FHOD3: variants seen among roughly 807,000 people sequenced by gnomAD.
FHOD3 encodes formin homology 2 domain containing 3.
FHOD3 carries 90 observed loss-of-function variants against 173.0 expected under a neutral mutation model. The ratio of observed to expected loss-of-function variants is 0.52; its 90% CI spans 0.44 to 0.62. FHOD3 has a LOEUF of 0.62. Ranked by LOEUF, FHOD3 falls within the 20% of genes least tolerant of loss-of-function variation. The probability of loss-of-function intolerance (pLI) is 0.00; values close to 1 mark genes in which losing one functional copy is unlikely to be tolerated. For missense variants in FHOD3, 1,945 were observed against 2,034.7 expected, an observed-to-expected ratio of 0.96 and a Z score of 0.85; for synonymous variants, 828 against 823.0, an observed-to-expected ratio of 1.01 and a Z score of -0.10.
intron 3 of FHOD3, among the ~76,000 whole-genome samples, chr18:36,453,156 T>G (rs985834280): frequency 1.3e-5 from 2 of 152,164 alleles, no homozygotes; most frequent in Non-Finnish European, 2.9e-5. Flanking sequence ...TAATTCTAGC[T>G]TGGTGTTGCT....
At chr18:36,719,356 T>C (rs956261733) in intron 19 of FHOD3, among the ~76,000 whole-genome samples, 1 of 152,246 alleles carries the variant, frequency 6.6e-6, no homozygotes, top group Non-Finnish European at 1.5e-5. Flanking sequence ...ATACCACTTT[T>C]ATCAATGGAA....
At chr18:36,645,815 T>C (rs1382406200) in intron 10 of FHOD3, among the ~76,000 whole-genome samples, 1 of 152,146 alleles carries the variant, frequency 6.6e-6, no homozygotes, top group Non-Finnish European at 1.5e-5. Context: ...AAAAGCAGTC[T>C]TCATAGCTCT....
chr18:36,431,258 T>C (rs2050534160), intron 3 of FHOD3, among the ~76,000 whole-genome samples: 1 of 152,248 alleles, frequency 6.6e-6, no homozygotes, highest in Non-Finnish European at 1.5e-5. Flanking sequence ...AAAAGCTTTA[T>C]ATTCTGTTAA....
intron 2 of FHOD3, among the ~76,000 whole-genome samples, chr18:36,365,606 G>T (rs1003508521): frequency 6.6e-6 from 1 of 152,162 alleles, no homozygotes; most frequent in Admixed American, 6.6e-5. Flanking sequence ...TGTAATGACT[G>T]TATAACTCTA....
chr18:36,572,261 ATTC>A (rs543063736), intron 5 of FHOD3, among the ~76,000 whole-genome samples: 42 of 152,108 alleles, frequency 2.8e-4, no homozygotes, highest in Non-Finnish European at 5.1e-4. Context: ...CAGCCTCCAC[ATTC>A]TTCTTGAAAA....
chr18:36,687,595 G>T (rs1029388642), intron 16 of FHOD3, among the ~76,000 whole-genome samples: 3 of 152,062 alleles, frequency 2.0e-5, no homozygotes, highest in African/African-American at 7.2e-5. Flanking sequence ...GACTCTTTCT[G>T]GATGTGCCTG....
chr18:36,328,502 G>A (rs977854857), intron 1 of FHOD3, among the ~76,000 whole-genome samples: 15 of 152,140 alleles, frequency 9.9e-5, no homozygotes, highest in Non-Finnish European at 1.6e-4. Context: ...GGGGAAGTCC[G>A]TAGGGTCTTT....
At chr18:36,427,056 TAA>T (rs1218118169) in intron 3 of FHOD3, among the ~76,000 whole-genome samples, 3 of 152,122 alleles carry the variant, frequency 2.0e-5, no homozygotes, top group African/African-American at 7.2e-5. Flanking sequence ...AAGAAAAATA[TAA>T]GAGAAGATTT....
At chr18:36,393,095 G>A (rs2048379392) in intron 3 of FHOD3, among the ~76,000 whole-genome samples, 1 of 152,246 alleles carries the variant, frequency 6.6e-6, no homozygotes, top group East Asian at 1.9e-4. Flanking sequence ...GCTGCAGCCA[G>A]CTCCAGTTAG....
At chr18:36,660,936 G>A (rs189271906) in intron 14 of FHOD3, among the ~76,000 whole-genome samples, 10 of 152,320 alleles carry the variant, frequency 6.6e-5, no homozygotes, top group East Asian at 1.9e-4. Context: ...ATCCACGAGC[G>A]AGTACGGTAG....
chr18:36,303,548 A>C (rs1056549201), intron 1 of FHOD3, among the ~76,000 whole-genome samples: 1 of 152,136 alleles, frequency 6.6e-6, no homozygotes, highest in African/African-American at 2.4e-5. Flanking sequence ...TGGACTCTGA[A>C]ATGTTAGTTC....
chr18:36,693,573 G>T (rs1207105588), intron 17 of FHOD3, 150 bp downstream of exon 17: 1 of 718,448 alleles, frequency 1.4e-6, no homozygotes, highest in Non-Finnish European at 2.3e-6. Flanking sequence ...GACTGCAACT[G>T]CCTGGTCACT....
chr18:36,635,914 A>G (rs980105711), intron 10 of FHOD3, among the ~76,000 whole-genome samples: 27 of 152,328 alleles, frequency 1.8e-4, no homozygotes, highest in African/African-American at 6.5e-4. Context: ...TTTCAAGTCA[A>G]TGAACCTTGA....
chr18:36,420,035 T>C (rs1043871212), intron 3 of FHOD3, among the ~76,000 whole-genome samples: 1 of 152,186 alleles, frequency 6.6e-6, no homozygotes, highest in Non-Finnish European at 1.5e-5. Context: ...AAGTTACACT[T>C]GATTAACTTT....
intron 28 of FHOD3, among the ~76,000 whole-genome samples, chr18:36,769,937 C>T (rs947478878): frequency 3.3e-5 from 5 of 152,250 alleles, no homozygotes; most frequent in African/African-American, 1.2e-4. Flanking sequence ...AAATATTTAA[C>T]GTGGCCTAGG....
intron 3 of FHOD3, among the ~76,000 whole-genome samples, chr18:36,396,394 G>A (rs2048556718): frequency 6.6e-6 from 1 of 152,154 alleles, no homozygotes; most frequent in Admixed American, 6.5e-5. Context: ...CCTACCTGCA[G>A]TGATTCTGTT....
intron 23 of FHOD3, among the ~76,000 whole-genome samples, chr18:36,745,668 A>G (rs1600526694): frequency 1.3e-5 from 2 of 151,326 alleles, no homozygotes; most frequent in South Asian, 4.2e-4. Flanking sequence ...GCAACGGCTT[A>G]CCTCCGCGCC....
intron 2 of FHOD3, among the ~76,000 whole-genome samples, chr18:36,369,506 T>G (rs71366393): frequency 0.018 from 2,282 of 128,262 alleles, 38 homozygotes; most frequent in Non-Finnish European, 0.025. Context: ...CACATATATA[T>G]AGAGAGAGAG....
rs929611766 is a variant in FHOD3, at chr18:36,779,284, A to G, written c.4787-164A>G. 31 of 617,706 alleles carry G rather than the reference A, an allele frequency of 5.0e-5. No individual in the cohort carries two copies. The African/African-American group carries it at 5.2e-4, about 10-fold the overall frequency. 38.3% of individuals were successfully genotyped at this position (617,706 alleles called of 1,614,324 possible). On this transcript the variant is annotated intron_variant, in intron 28 of 28. Transcript: ENST00000590592. The stretch of plus-strand genomic sequence containing the variant: ...ACTTTTGTCCTGGCAGACAGACTGC[A>G]GGGCACTTCAGCAAGAGCAGGAAGG...
Sources: allele counts gnomAD v4.1 joint callset (sites outside exome capture counted in the v4.1 genomes callset), GRCh38; gene constraint gnomAD v4.1.1; transcripts MANE v1.5; gene names NCBI Gene and HGNC (gene_info 2026-07-23, HGNC 2026-07-21).